RSPO2: variants seen among roughly 807,000 people sequenced by gnomAD.
The protein encoded by RSPO2 is R-spondin-2.
In RSPO2, 14 loss-of-function variants were observed where a neutral mutation model predicts 30.9. The ratio of observed to expected loss-of-function variants is 0.45; its 90% confidence interval spans 0.30 to 0.71. RSPO2 has a LOEUF of 0.71. RSPO2 is among the 30% of genes least tolerant of loss of function. The pLI is 0.08. For missense variants in RSPO2, 264 were observed against 301.9 expected, an observed-to-expected ratio of 0.87 and a Z score of 0.93; for synonymous variants, 107 against 96.4, an observed-to-expected ratio of 1.11 and a Z score of -0.64.
chr8:107,990,787 T>G (rs1014744333), intron 2 of RSPO2, among the ~76,000 whole-genome samples: 5 of 152,192 alleles, frequency 3.3e-5, no homozygotes, highest in African/African-American at 1.2e-4. Context: ...GGCATCATGC[T>G]ACCTGACTTC....
intron 3 of RSPO2, among the ~76,000 whole-genome samples, chr8:107,980,567 A>G (rs1014571851): frequency 6.6e-6 from 1 of 152,228 alleles, no homozygotes; most frequent in Non-Finnish European, 1.5e-5. Flanking sequence ...GTTTAAGTGT[A>G]ATCAGAATAC....
At chr8:108,015,523 C>T (rs961220221) in intron 2 of RSPO2, among the ~76,000 whole-genome samples, 1 of 152,072 alleles carries the variant, frequency 6.6e-6, no homozygotes, top group Admixed American at 6.5e-5. Flanking sequence ...CAACTGTGAC[C>T]CCTGTCCTTG....
At chr8:107,993,110 C>G (rs1313861122) in intron 2 of RSPO2, among the ~76,000 whole-genome samples, 1 of 151,982 alleles carries the variant, frequency 6.6e-6, no homozygotes, top group African/African-American at 2.4e-5. Flanking sequence ...CTTATATTCA[C>G]AAAAATAACA....
rs537916576 is a variant in RSPO2 at position 108,059,466 on chromosome 8, T to A, written c.94+23079A>T. On this transcript the variant is annotated intron_variant, in intron 2 of 5. Transcript: ENST00000276659. ...TGGCGATTCCTCAGGGATCTAGAAC[T>A]AGAAATACCATTTGACCCAGCCATC... Among the ~76,000 whole-genome samples the A allele has an allele frequency of 9.3e-4, 141 of 151,540 alleles. 5 individuals carry two copies. In the South Asian group the frequency reaches 0.029, roughly 31 times the overall value.
At chr8:107,945,405 C>G (rs370632646) in intron 5 of RSPO2, among the ~76,000 whole-genome samples, 1 of 151,702 alleles carries the variant, frequency 6.6e-6, no homozygotes, top group Non-Finnish European at 1.5e-5. Context: ...TCTGCCACCA[C>G]GCCGGGCTAA....
At chr8:107,969,303 T>C (rs1482899929) in intron 3 of RSPO2, among the ~76,000 whole-genome samples, 1 of 152,162 alleles carries the variant, frequency 6.6e-6, no homozygotes, top group Non-Finnish European at 1.5e-5. Context: ...CATGCCATAG[T>C]ATCTTTTATT....
At chr8:107,952,888 T>C (rs1175991715) in intron 5 of RSPO2, among the ~76,000 whole-genome samples, 3 of 152,172 alleles carry the variant, frequency 2.0e-5, no homozygotes, top group African/African-American at 7.2e-5. Context: ...TTCTTTTGTT[T>C]CCTACCAAGA....
At chr8:107,915,798 G>A (rs1586538557) in intron 5 of RSPO2, among the ~76,000 whole-genome samples, 1 of 152,240 alleles carries the variant, frequency 6.6e-6, no homozygotes, top group Non-Finnish European at 1.5e-5. Flanking sequence ...TTGCTAGGAT[G>A]AAAAATGTTA....
intron 2 of RSPO2, among the ~76,000 whole-genome samples, chr8:108,049,320 A>T (rs1812006615): frequency 6.6e-6 from 1 of 152,072 alleles, no homozygotes; most frequent in South Asian, 2.1e-4. Context: ...CTGGAATCTT[A>T]GCTTTCCAAA....
chr8:107,989,297 G>T, intron 2 of RSPO2, 53 bp from the exon 3 acceptor site: 1 of 1,165,034 alleles, frequency 8.6e-7, no homozygotes. Context: ...TCAGATTTTT[G>T]GTAAATACAC....
intron 2 of RSPO2, among the ~76,000 whole-genome samples, chr8:107,990,443 C>T (rs1478196350): frequency 6.6e-6 from 1 of 152,082 alleles, no homozygotes; most frequent in African/African-American, 2.4e-5. Context: ...CACAAACAAA[C>T]TCTCATTCAC....
intron 2 of RSPO2, among the ~76,000 whole-genome samples, chr8:108,081,419 AT>A (rs1473452443): frequency 6.6e-6 from 1 of 152,252 alleles, no homozygotes; most frequent in Non-Finnish European, 1.5e-5. Flanking sequence ...AAAAGTCAAC[AT>A]TCATGAACCC....
intron 2 of RSPO2, among the ~76,000 whole-genome samples, chr8:108,041,203 C>CAAAAAAAAAAAAAAAAAAAAAGAAA (rs55937336): frequency 2.0e-5 from 2 of 100,382 alleles, no homozygotes; most frequent in Non-Finnish European, 3.9e-5. Flanking sequence ...CAAAAAGTGG[C>CAAAAAAAAAAAAAAAAAAAAAGAAA]AAAAAAAAAA....
chr8:108,030,107 T>G (rs1213354565), intron 2 of RSPO2, among the ~76,000 whole-genome samples: 1 of 113,934 alleles, frequency 8.8e-6, no homozygotes, highest in African/African-American at 3.5e-5. Context: ...AGTAGGGTCC[T>G]GGGATAGATA....
At chr8:108,062,408 C>T (rs1182407867) in intron 2 of RSPO2, among the ~76,000 whole-genome samples, 11 of 151,806 alleles carry the variant, frequency 7.2e-5, no homozygotes, top group Non-Finnish European at 1.5e-5. Context: ...ACTATAAACA[C>T]CTCTACACAA....
chr8:107,991,620 A>G (rs930716217), intron 2 of RSPO2, among the ~76,000 whole-genome samples: 6 of 152,182 alleles, frequency 3.9e-5, no homozygotes, highest in Non-Finnish European at 2.9e-5. Context: ...AACCTACAGA[A>G]TGGGAGAAAA....
chr8:108,078,781 G>T (rs2130737340), intron 2 of RSPO2, among the ~76,000 whole-genome samples: 1 of 152,274 alleles, frequency 6.6e-6, no homozygotes, highest in Non-Finnish European at 1.5e-5. Flanking sequence ...ACTAGTCATA[G>T]CACGCCCCCT....
intron 5 of RSPO2, among the ~76,000 whole-genome samples, chr8:107,914,171 C>T (rs1811905820): frequency 1.3e-5 from 2 of 151,992 alleles, no homozygotes; most frequent in Non-Finnish European, 2.9e-5. Context: ...ACAAACCTTC[C>T]ATGATCTTAG....
At chr8:107,915,738 C>T (rs1039993290) in intron 5 of RSPO2, among the ~76,000 whole-genome samples, 35 of 152,060 alleles carry the variant, frequency 2.3e-4, no homozygotes, top group Admixed American at 1.6e-3. Context: ...TGTCTTGGGA[C>T]GACTATCCAC....
Sources: allele counts gnomAD v4.1 joint callset (sites outside exome capture counted in the v4.1 genomes callset), GRCh38; gene constraint gnomAD v4.1.1; transcripts MANE v1.5; gene names NCBI Gene and HGNC (gene_info 2026-07-23, HGNC 2026-07-21).